The following RNF10 variants were observed in gnomAD, a reference collection of about 807,000 sequenced individuals.
RNF10 encodes E3 ubiquitin-protein ligase RNF10.
A neutral mutation model predicts 91.4 loss-of-function variants in RNF10; 38 were observed. That is an observed-to-expected ratio of 0.42 (90% CI 0.32 to 0.54). The LOEUF (loss-of-function observed/expected upper bound fraction) is 0.54. Ranked by LOEUF, RNF10 falls within the 20% of genes least tolerant of loss-of-function variation. The pLI is 0.16. For missense variants in RNF10, 945 were observed against 1,012.0 expected, an observed-to-expected ratio of 0.93 and a Z score of 0.90; for synonymous variants, 364 against 366.3, an observed-to-expected ratio of 0.99 and a Z score of 0.07.
At chr12:120,550,435 A>G (rs4766969) in intron 2 of RNF10, among the ~76,000 whole-genome samples, 40,427 of 151,894 alleles carry the variant, frequency 0.27, 6,079 homozygotes, top group East Asian at 0.5. Flanking sequence ...GACTGAGCAC[A>G]AGCTCTTAGA....
intron 6 of RNF10, among the ~76,000 whole-genome samples, chr12:120,558,836 CT>C (rs1874398018): frequency 6.6e-6 from 1 of 151,714 alleles, no homozygotes; most frequent in Non-Finnish European, 1.5e-5. Context: ...TCCCAAAGTG[CT>C]GGGATTACAG....
In RNF10 at chr12:120,534,804, C is replaced by A. The variant is rs980630224; in HGVS notation, c.-8C>A. 1 of 1,566,022 alleles carries A rather than the reference C, an allele frequency of 6.4e-7. No individual in the cohort carries two copies. Among genetic ancestry groups the A allele is most frequent in the Non-Finnish European group, 8.6e-7 (1 of 1,163,506 alleles). The stretch of plus-strand genomic sequence containing the variant: ...CTCCGACTGCCGTCGCCGCCGAGGC[C>A]CCCGTTGATGCCGCTGAGCTCCCCC... On this transcript the variant is annotated 5_prime_UTR_variant, in exon 1 of 17. Transcript: ENST00000325954.
intron 16 of RNF10, 80 bp from the exon 17 acceptor site, chr12:120,576,508 CTG>C: frequency 6.5e-7 from 1 of 1,539,834 alleles, no homozygotes; most frequent in East Asian, 2.4e-5. Context: ...AGCTCCCACT[CTG>C]TGACTCTCAG....
intron 6 of RNF10, among the ~76,000 whole-genome samples, chr12:120,558,150 A>G (rs73230314): frequency 0.045 from 6,913 of 152,318 alleles, 261 homozygotes; most frequent in South Asian, 0.1. Flanking sequence ...AGATTTCTCA[A>G]TAAATGGTAT....
chr12:120,546,653 C>T, intron 2 of RNF10, 52 bp downstream of exon 2: 1 of 1,476,846 alleles, frequency 6.8e-7, no homozygotes, highest in Admixed American at 2.0e-5. Context: ...GATCTGATCC[C>T]ATCCCCCGTC....
chr12:120,544,620 C>T (rs1200382135), intron 1 of RNF10, among the ~76,000 whole-genome samples: 2 of 152,184 alleles, frequency 1.3e-5, no homozygotes, highest in Non-Finnish European at 2.9e-5. Context: ...TGTGCCACTG[C>T]ACTCTAGCCT....
At chr12:120,539,534 C>A (rs914903429) in intron 1 of RNF10, 1 of 721,382 alleles carries the variant, frequency 1.4e-6, no homozygotes, top group African/African-American at 1.8e-5. Context: ...GTATTCTGAC[C>A]TCTAGGCCGA....
At chr12:120,551,902 C>T (rs1445600281) in intron 2 of RNF10, among the ~76,000 whole-genome samples, 1 of 152,056 alleles carries the variant, frequency 6.6e-6, no homozygotes, top group Admixed American at 6.6e-5. Context: ...ACTCACAGTT[C>T]TGCAGGCTGT....
At chr12:120,550,636 G>A (rs989529624) in intron 2 of RNF10, among the ~76,000 whole-genome samples, 2 of 151,110 alleles carry the variant, frequency 1.3e-5, no homozygotes, top group Admixed American at 1.3e-4. Context: ...TCGCTCTGTC[G>A]TCCAGGCTAG....
intron 7 of RNF10, 37 bp from the exon 8 acceptor site, chr12:120,562,908 A>T (rs771214352): frequency 6.2e-7 from 1 of 1,613,014 alleles, no homozygotes; most frequent in South Asian, 1.1e-5. Context: ...GTGTCTGGAA[A>T]CTTAACCTTC....
At chr12:120,553,655 G>A (rs1291926150) in intron 3 of RNF10, among the ~76,000 whole-genome samples, 5 of 151,910 alleles carry the variant, frequency 3.3e-5, no homozygotes, top group South Asian at 2.1e-4. Flanking sequence ...CACCCGCCTC[G>A]GCCTCCCAAA....
At position 120,557,097 on chromosome 12, in the gene RNF10, A is replaced by AG. The variant is rs199589946; in HGVS notation, c.646-185_646-184insG. ...AGATGGACCGTCTCAAAAAAAAAAA[A>AG]AAAAGAAAAAAATGATCATACATGT... On this transcript the variant is annotated intron_variant, in intron 4 of 16. Transcript: ENST00000325954. 5.5e-3 allele frequency among the ~76,000 whole-genome samples: 836 copies of AG among 151,938 alleles called. 44 individuals carry two copies. In the East Asian group the frequency reaches 0.12, roughly 21 times the overall value.
chr12:120,551,546 AC>A (rs1873095947), intron 2 of RNF10, among the ~76,000 whole-genome samples: 1 of 150,902 alleles, frequency 6.6e-6, no homozygotes, highest in Non-Finnish European at 1.5e-5. Context: ...TGATCCGCCT[AC>A]CTCAGCCTCC....
intron 3 of RNF10, among the ~76,000 whole-genome samples, chr12:120,553,555 C>T (rs1210828367): frequency 6.6e-6 from 1 of 151,542 alleles, no homozygotes; most frequent in African/African-American, 2.4e-5. Context: ...CAGGCGCCCA[C>T]CCCCTGGCTA....
intron 1 of RNF10, among the ~76,000 whole-genome samples, chr12:120,535,806 T>C (rs1870690087): frequency 6.6e-6 from 1 of 152,208 alleles, no homozygotes; most frequent in Non-Finnish European, 1.5e-5. Context: ...GGGCTTACCA[T>C]GTGCCAAGTA....
chr12:120,541,272 T>A (rs1871521423), intron 1 of RNF10, among the ~76,000 whole-genome samples: 1 of 152,144 alleles, frequency 6.6e-6, no homozygotes, highest in Non-Finnish European at 1.5e-5. Flanking sequence ...GGGTCCAGGA[T>A]CATCTGAAAC....
At chr12:120,547,486 A>C (rs1215280476) in intron 2 of RNF10, among the ~76,000 whole-genome samples, 1 of 151,916 alleles carries the variant, frequency 6.6e-6, no homozygotes, top group Non-Finnish European at 1.5e-5. Context: ...TAGAGAGTGG[A>C]TCTTACTATG....
At chr12:120,543,827 G>T (rs7488320) in intron 1 of RNF10, among the ~76,000 whole-genome samples, 39,816 of 151,738 alleles carry the variant, frequency 0.26, 6,015 homozygotes, top group East Asian at 0.5. Flanking sequence ...TTAGCTGGGT[G>T]TGGTGGTGCA....
At chr12:120,537,407 A>T (rs1394278430) in intron 1 of RNF10, among the ~76,000 whole-genome samples, 1 of 152,152 alleles carries the variant, frequency 6.6e-6, no homozygotes, top group Non-Finnish European at 1.5e-5. Flanking sequence ...CAGGTGGATC[A>T]TCTGAGTTCA....
Sources: gnomAD v4.1 joint callset for allele counts (sites outside exome capture counted in the v4.1 genomes callset) on GRCh38, gnomAD v4.1.1 for gene constraint, MANE v1.5 for transcripts, NCBI Gene and HGNC (gene_info 2026-07-23, HGNC 2026-07-21) for gene names.